The following APOOL variants were observed in gnomAD, a reference collection of about 807,000 sequenced individuals.
The protein encoded by APOOL is MICOS complex subunit MIC27.
APOOL carries 12 observed loss-of-function variants against 23.1 expected under a neutral mutation model. The observed-to-expected ratio is 0.52, with a 90% CI of 0.33 to 0.84. APOOL has a LOEUF of 0.84. APOOL is among the 40% of genes least tolerant of loss of function. APOOL has a pLI of 0.02. For missense variants in APOOL, 212 were observed against 199.6 expected (o/e 1.06, Z -0.37); for synonymous variants, 77 against 69.9 (o/e 1.10, Z -0.51).
At chrX:85,027,794 G>T (rs1485468246) in intron 1 of APOOL, among the ~76,000 whole-genome samples, 1 of 112,147 alleles carries the variant, frequency 8.9e-6, no homozygotes, top group Non-Finnish European at 1.9e-5. Flanking sequence ...TCAATTTGTT[G>T]TAAGTGATTT....
intron 8 of APOOL, among the ~76,000 whole-genome samples, chrX:85,079,040 G>A (rs1355836273): frequency 9.0e-6 from 1 of 111,182 alleles, no homozygotes; most frequent in Non-Finnish European, 1.9e-5. Context: ...CTGCAAACAG[G>A]GACAATTTGA....
chrX:85,013,279 A>G (rs1280640889), intron 1 of APOOL, among the ~76,000 whole-genome samples: 1 of 111,451 alleles, frequency 9.0e-6, no homozygotes, highest in Non-Finnish European at 1.9e-5. Context: ...AAATAAACAG[A>G]TCCTTGTTTT....
Sources: allele counts gnomAD v4.1 joint callset (sites outside exome capture counted in the v4.1 genomes callset), GRCh38; gene constraint gnomAD v4.1.1; transcripts MANE v1.5; gene names NCBI Gene and HGNC (gene_info 2026-07-23, HGNC 2026-07-21).